The following FLT3 variants were observed in gnomAD, a reference collection of about 807,000 sequenced individuals.
FLT3 encodes the protein fms related receptor tyrosine kinase 3.
FLT3 carries 46 observed loss-of-function variants against 126.6 expected under a neutral mutation model. The ratio of observed to expected loss-of-function variants is 0.36; its 90% CI spans 0.29 to 0.46. The LOEUF (loss-of-function observed/expected upper bound fraction) is 0.46, where lower values mean the gene tolerates loss of function less well. Ranked by LOEUF, FLT3 falls within the 20% of genes least tolerant of loss-of-function variation. The pLI is 1.00. For missense variants in FLT3, 1,069 were observed against 1,190.3 expected (o/e 0.90, Z 1.50); for synonymous variants, 404 against 434.4 (o/e 0.93, Z 0.87).
At chr13:28,050,489 G>T (rs1239488473) in intron 5 of FLT3, among the ~76,000 whole-genome samples, 2 of 152,032 alleles carry the variant, frequency 1.3e-5, no homozygotes, top group Non-Finnish European at 2.9e-5. Context: ...TGATCTCTTT[G>T]TTGCTGTTGT....
rs1364173934 is a variant in FLT3 at position 28,100,298 on chromosome 13, G to A, written c.43+170C>T. ...AACGCCGGGGCCGCAGGCAAGTAGT[G>A]GGCGAGTCCGGAGGGCGCGAAAGAG... On this transcript the variant is annotated intron_variant, in intron 1 of 23. Coordinates refer to ENST00000241453, the MANE Select transcript of FLT3 (RefSeq NM_004119.3). The surrounding 1 kb of genome is among the most constrained non-coding windows in gnomAD (Gnocchi z 4.8). Among the ~76,000 whole-genome samples, 1 of 152,056 alleles carries A rather than the reference G, an allele frequency of 6.6e-6. No homozygotes were observed. Among genetic ancestry groups the A allele is most frequent in the Non-Finnish European group, 1.5e-5 (1 of 68,002 alleles).
rs1037164775 is a variant in FLT3, at chr13:28,043,502, C to T, written c.1205+4773G>A. 1.3e-5 allele frequency among the ~76,000 whole-genome samples: 2 copies of T among 152,056 alleles called. 1 individual carries two copies. The highest frequency in any genetic ancestry group is 1.3e-4 in the Admixed American group (2 of 15,262). Reference sequence around the variant, plus strand: ...TTCAGGGGTAGTGTTATTACAGGGGCCTTTCAGTAACAGATTTTTAAAAAA... The same window carrying T: ...TTCAGGGGTAGTGTTATTACAGGGGTCTTTCAGTAACAGATTTTTAAAAAA... On this transcript the variant is annotated intron_variant, in intron 9 of 23. Coordinates refer to ENST00000241453, the MANE Select transcript of FLT3 (RefSeq NM_004119.3).
chr13:28,058,610 C>T (rs760414999), intron 3 of FLT3, among the ~76,000 whole-genome samples: 12 of 152,206 alleles, frequency 7.9e-5, no homozygotes, highest in Non-Finnish European at 1.3e-4. Flanking sequence ...ACAGTGTTAG[C>T]ATCAGCTGGG....
rs779681590 is a variant in FLT3 at position 28,057,375 on chromosome 13, G to A, written c.456C>T (p.Tyr152=). 1.3e-6 allele frequency: 2 copies of A among 1,515,424 alleles called. No homozygotes were observed. Among genetic ancestry groups the A allele is most frequent in the African/African-American group, 1.4e-5 (1 of 73,028 alleles). 93.9% of individuals were successfully genotyped at this position (1,515,424 alleles called of 1,614,324 possible). A position where few individuals can be genotyped will look rare whatever the true frequency, so the allele number is the denominator to read the frequency against. The change falls in exon 4 of 24, where the codon TAC becomes TAT. Residue 152 remains tyrosine, a synonymous_variant. Coordinates refer to ENST00000241453, the MANE Select transcript of FLT3 (RefSeq NM_004119.3). ...LLFIQSEATN[Y]TILFTVSIRN... Reference sequence around the variant, plus strand: ...TTATACTCACTGTAAACAATATTGTGTAATTGGTAGCTTCACTCTGAATAA... The same window carrying A: ...TTATACTCACTGTAAACAATATTGTATAATTGGTAGCTTCACTCTGAATAA...
intron 3 of FLT3, among the ~76,000 whole-genome samples, chr13:28,061,442 T>C (rs1199135745): frequency 2.6e-5 from 4 of 152,102 alleles, no homozygotes; most frequent in African/African-American, 9.7e-5. Flanking sequence ...TATTTTTAGT[T>C]CATTATTTCA....
intron 17 of FLT3, among the ~76,000 whole-genome samples, chr13:28,026,708 C>G (rs150357663): frequency 6.6e-6 from 1 of 152,302 alleles, no homozygotes; most frequent in Non-Finnish European, 1.5e-5. Context: ...GCAATAGTCC[C>G]AGGACCCGAG....
At position 28,052,581 on chromosome 13, in the gene FLT3, A is replaced by C. The variant is rs1875615172; in HGVS notation, c.578T>G (p.Ile193Ser). ...VCISESVPEP[I>S]VEWVLCDSQG... ...TGAATCGCAAAGCACCCATTCCACGATCGGCTCTGGAACGCTCTCAGATAT... is the reference window on the plus strand; with the variant it reads ...TGAATCGCAAAGCACCCATTCCACGCTCGGCTCTGGAACGCTCTCAGATAT... Residue 193 changes from isoleucine (I) to serine (S), a missense_variant, in exon 5 of 24, where the codon ATC (isoleucine) becomes AGC (serine). By Grantham distance (142) the Ile-to-Ser change is moderately radical. Coordinates refer to ENST00000241453, the MANE Select transcript of FLT3 (RefSeq NM_004119.3). 1 of 1,613,818 alleles carries C rather than the reference A, an allele frequency of 6.2e-7. No individual in the cohort carries two copies. The highest frequency in any genetic ancestry group is 2.2e-5 in the East Asian group (1 of 44,878).
intron 15 of FLT3, among the ~76,000 whole-genome samples, chr13:28,032,307 AG>A (rs1873415090): frequency 6.6e-6 from 1 of 152,214 alleles, no homozygotes; most frequent in Admixed American, 6.5e-5. Flanking sequence ...GGTGTATGGG[AG>A]GACATCACGG....
Position 28,003,801 on chromosome 13 carries a change from A to C in FLT3, c.*251T>G. The C allele has an allele frequency of 4.1e-6, 2 of 492,116 alleles. No homozygotes were observed. The highest frequency in any genetic ancestry group is 7.3e-6 in the Non-Finnish European group (2 of 273,984). 30.5% of individuals were successfully genotyped at this position (492,116 alleles called of 1,614,324 possible). Reference sequence around the variant, plus strand: ...ACAATTCACTCAAGCCAGCCTGAGAAGGCCTTGGATGCAGATCAATGCTCC... The same window carrying C: ...ACAATTCACTCAAGCCAGCCTGAGACGGCCTTGGATGCAGATCAATGCTCC... On this transcript the variant is annotated 3_prime_UTR_variant, in exon 24 of 24. Coordinates refer to ENST00000241453, the MANE Select transcript of FLT3 (RefSeq NM_004119.3).
chr13:28,005,748 T>A (rs1344311795), intron 23 of FLT3, among the ~76,000 whole-genome samples: 1 of 152,198 alleles, frequency 6.6e-6, no homozygotes, highest in Non-Finnish European at 1.5e-5. Flanking sequence ...TTATTTCTAC[T>A]CCTATCAACG....
chr13:28,011,282 C>G (rs549555174), intron 23 of FLT3, among the ~76,000 whole-genome samples: 75 of 142,336 alleles, frequency 5.3e-4, no homozygotes, highest in African/African-American at 2.0e-3. Flanking sequence ...TGCACTCCAG[C>G]CTGGGTGACA....
chr13:28,069,153 GC>G (rs1300382273), intron 2 of FLT3, among the ~76,000 whole-genome samples: 8 of 152,116 alleles, frequency 5.3e-5, no homozygotes, highest in African/African-American at 1.9e-4. Context: ...AGGGAGGCTA[GC>G]CCAGCAGCTA....
chr13:28,095,596 G>C (rs1216521742), intron 1 of FLT3, among the ~76,000 whole-genome samples: 1 of 151,994 alleles, frequency 6.6e-6, no homozygotes, highest in Non-Finnish European at 1.5e-5. Flanking sequence ...TCTTACTCCT[G>C]TTATCTACAA....
chr13:28,013,591 G>A (rs1871581035), intron 23 of FLT3, among the ~76,000 whole-genome samples: 1 of 152,220 alleles, frequency 6.6e-6, no homozygotes, highest in Non-Finnish European at 1.5e-5. Flanking sequence ...GGAAGCGTTA[G>A]CAAAGAAATT....
intron 17 of FLT3, chr13:28,025,355 C>T (rs1372996341): frequency 1.1e-5 from 5 of 450,096 alleles, no homozygotes; most frequent in Non-Finnish European, 2.2e-5. Flanking sequence ...CCGAGAGTCC[C>T]GTAAGCGTTT....
chr13:28,084,066 T>C (rs1257234957), intron 1 of FLT3, among the ~76,000 whole-genome samples: 1 of 152,082 alleles, frequency 6.6e-6, no homozygotes, highest in Non-Finnish European at 1.5e-5. Context: ...TGTGTTGCCT[T>C]GGCTGGACTT....
At chr13:28,071,175 T>C (rs1877483062) in intron 1 of FLT3, among the ~76,000 whole-genome samples, 1 of 150,948 alleles carries the variant, frequency 6.6e-6, no homozygotes, top group Non-Finnish European at 1.5e-5. Flanking sequence ...TCTTTCTTTT[T>C]TTTTTTGTAT....
chr13:28,050,296 A>T, intron 5 of FLT3, 74 bp from the exon 6 acceptor site: 1 of 1,457,394 alleles, frequency 6.9e-7, no homozygotes, highest in Non-Finnish European at 9.5e-7. Context: ...GAGGAGAACA[A>T]AGTTCTAGAG....
Position 28,029,797 on chromosome 13 carries a change from G to C in FLT3, c.1943-1509C>G, listed in dbSNP as rs532828786. 5.5e-4 allele frequency among the ~76,000 whole-genome samples: 83 copies of C among 152,198 alleles called. 1 individual carries two copies. Among genetic ancestry groups the C allele is most frequent in the Non-Finnish European group, 1.1e-3 (72 of 68,034 alleles). On this transcript the variant is annotated intron_variant, in intron 15 of 23. Transcript: ENST00000241453. ...ATTGAGAAATAAAACTGCCAAGCAG[G>C]CTAGAACATATTGGTTGGCCAATGC...
Sources: allele counts gnomAD v4.1 joint callset (sites outside exome capture counted in the v4.1 genomes callset), GRCh38; gene constraint gnomAD v4.1.1; non-coding constraint Gnocchi (gnomAD v3.1); transcripts MANE v1.5; gene names NCBI Gene and HGNC (gene_info 2026-07-23, HGNC 2026-07-21).